Variants in GPC6 observed in about 807,000 individuals in gnomAD.
The protein encoded by GPC6 is glypican-6.
Under a neutral mutation model 55.2 loss-of-function variants are expected in GPC6, and 14 were observed. That is an observed-to-expected ratio of 0.25 (90% CI 0.17 to 0.40). The LOEUF is 0.40. Among genes scored for constraint, GPC6 ranks in the 10% least tolerant of loss-of-function variants. The probability of loss-of-function intolerance (pLI) is 1.00; values close to 1 mark genes in which losing one functional copy is unlikely to be tolerated. For missense variants in GPC6, 641 were observed against 708.5 expected, an observed-to-expected ratio of 0.90 and a Z score of 1.08; for synonymous variants, 278 against 259.6, an observed-to-expected ratio of 1.07 and a Z score of -0.68.
chr13:93,366,646 G>A (rs1468897133), intron 1 of GPC6, among the ~76,000 whole-genome samples: 9 of 152,032 alleles, frequency 5.9e-5, no homozygotes, highest in Non-Finnish European at 1.3e-4. Context: ...TTTTTGGGGA[G>A]TGTTAGGGGA....
intron 2 of GPC6, among the ~76,000 whole-genome samples, chr13:93,748,880 T>G (rs2138858996): frequency 7.1e-6 from 1 of 141,316 alleles, no homozygotes; most frequent in African/African-American, 2.5e-5. Context: ...TTTTACTTTT[T>G]CATAGAGGAA....
chr13:94,374,268 G>A (rs896778557), intron 6 of GPC6, among the ~76,000 whole-genome samples: 1 of 151,520 alleles, frequency 6.6e-6, no homozygotes, highest in Non-Finnish European at 1.5e-5. Context: ...ACACAGACTG[G>A]CAAATTGGAT....
chr13:93,844,475 AC>A (rs1223022177), intron 3 of GPC6, among the ~76,000 whole-genome samples: 2 of 151,978 alleles, frequency 1.3e-5, no homozygotes, highest in Non-Finnish European at 2.9e-5. Flanking sequence ...AGTAAACCCC[AC>A]TTTTTGATGG....
chr13:94,352,860 G>A (rs915052493), intron 6 of GPC6, among the ~76,000 whole-genome samples: 1 of 152,196 alleles, frequency 6.6e-6, no homozygotes, highest in African/African-American at 2.4e-5. Context: ...AACCTTCAAG[G>A]TGGCTTAGCT....
At chr13:93,980,993 A>G (rs1381563482) in intron 3 of GPC6, among the ~76,000 whole-genome samples, 1 of 152,188 alleles carries the variant, frequency 6.6e-6, no homozygotes, top group African/African-American at 2.4e-5. Flanking sequence ...ATGCCAACTG[A>G]AGACATTAAA....
chr13:94,189,904 C>T (rs1889328908), intron 4 of GPC6, among the ~76,000 whole-genome samples: 1 of 151,978 alleles, frequency 6.6e-6, no homozygotes, highest in Non-Finnish European at 1.5e-5. Flanking sequence ...GCCTGTAGTC[C>T]CAGCTACTCA....
At chr13:94,296,149 T>A (rs9524421) in intron 5 of GPC6, among the ~76,000 whole-genome samples, 125 of 152,122 alleles carry the variant, frequency 8.2e-4, no homozygotes, top group African/African-American at 2.8e-3. Context: ...GAAAACATGC[T>A]TATGATGCAT....
chr13:93,975,852 C>T (rs1026652098), intron 3 of GPC6, among the ~76,000 whole-genome samples: 10 of 151,948 alleles, frequency 6.6e-5, no homozygotes, highest in African/African-American at 2.4e-4. Flanking sequence ...TAAATATGGC[C>T]AGCTTTAGTG....
chr13:93,664,049 G>A (rs1212611781), intron 2 of GPC6, among the ~76,000 whole-genome samples: 1 of 152,134 alleles, frequency 6.6e-6, no homozygotes, highest in African/African-American at 2.4e-5. Flanking sequence ...AATACTGACA[G>A]TGTTATTTTA....
chr13:93,555,733 T>A (rs1445140962), intron 2 of GPC6, among the ~76,000 whole-genome samples: 1 of 152,102 alleles, frequency 6.6e-6, no homozygotes, highest in Non-Finnish European at 1.5e-5. Flanking sequence ...CACACAGGCG[T>A]GAATAAGAAA....
chr13:93,447,843 T>A (rs1878065128), intron 1 of GPC6, among the ~76,000 whole-genome samples: 1 of 152,316 alleles, frequency 6.6e-6, no homozygotes, highest in African/African-American at 2.4e-5. Context: ...CTCATCATTA[T>A]CAAAGGGTTT....
At position 93,912,545 on chromosome 13, in the gene GPC6, C is replaced by T. The variant is rs186613617; in HGVS notation, c.711+82000C>T. 1.4e-3 allele frequency among the ~76,000 whole-genome samples: 209 copies of T among 152,176 alleles called. 1 individual carries two copies. The highest frequency in any genetic ancestry group is 1.4e-3 in the Non-Finnish European group (93 of 68,006). ...GATCACAAGGTCAGGAGATCGAGACCATCCTGGCTAACACGGTGAAACCCC... is the reference window on the plus strand; with the variant it reads ...GATCACAAGGTCAGGAGATCGAGACTATCCTGGCTAACACGGTGAAACCCC... On this transcript the variant is annotated intron_variant, in intron 3 of 8. Transcript: ENST00000377047.
At chr13:94,232,563 A>C (rs1890763705) in intron 4 of GPC6, among the ~76,000 whole-genome samples, 1 of 152,152 alleles carries the variant, frequency 6.6e-6, no homozygotes, top group Non-Finnish European at 1.5e-5. Flanking sequence ...GTGTCAAAGA[A>C]TGTTTAGTTC....
rs1385799168 is a variant in GPC6, at chr13:93,275,430, G to T, written c.160+47814G>T. Among the ~76,000 whole-genome samples, 5 of 152,162 alleles carry T rather than the reference G, an allele frequency of 3.3e-5. 1 individual carries two copies. Among genetic ancestry groups the T allele is most frequent in the Admixed American group, 2.0e-4 (3 of 15,272 alleles). On this transcript the variant is annotated intron_variant, in intron 1 of 8. Coordinates refer to ENST00000377047, the MANE Select transcript of GPC6 (RefSeq NM_005708.5). ...TATGTTTGACTAGATAGTAAAGAGGGATCTCAACAGACCTCAAACATAATG... is the reference window on the plus strand; with the variant it reads ...TATGTTTGACTAGATAGTAAAGAGGTATCTCAACAGACCTCAAACATAATG...
chr13:93,442,752 T>G (rs1877851962), intron 1 of GPC6, among the ~76,000 whole-genome samples: 1 of 152,150 alleles, frequency 6.6e-6, no homozygotes, highest in Non-Finnish European at 1.5e-5. Context: ...TTAACAAAAT[T>G]TGAGCTTTTT....
intron 3 of GPC6, among the ~76,000 whole-genome samples, chr13:94,009,710 T>A (rs139165782): frequency 2.6e-4 from 40 of 152,250 alleles, no homozygotes; most frequent in African/African-American, 9.1e-4. Context: ...TGTCTGTATT[T>A]AAAAACTAGA....
intron 1 of GPC6, among the ~76,000 whole-genome samples, chr13:93,322,057 A>T (rs539947965): frequency 6.6e-6 from 1 of 152,348 alleles, no homozygotes; most frequent in East Asian, 1.9e-4. Context: ...ATACAATTGT[A>T]TAAAAAGACA....
intron 2 of GPC6, among the ~76,000 whole-genome samples, chr13:93,736,552 A>G (rs1271173760): frequency 6.6e-6 from 1 of 152,188 alleles, no homozygotes; most frequent in East Asian, 1.9e-4. Context: ...TTTTTACATA[A>G]TAACTACAAA....
At chr13:94,029,096 A>G (rs1416315728) in intron 4 of GPC6, among the ~76,000 whole-genome samples, 2 of 152,216 alleles carry the variant, frequency 1.3e-5, no homozygotes, top group African/African-American at 2.4e-5. Context: ...TAAGATTTGC[A>G]TAGGATAGAA....
Sources: allele counts gnomAD v4.1 joint callset (sites outside exome capture counted in the v4.1 genomes callset), GRCh38; gene constraint gnomAD v4.1.1; transcripts MANE v1.5; gene names NCBI Gene and HGNC (gene_info 2026-07-23, HGNC 2026-07-21).